IREB2: variants seen among roughly 807,000 people sequenced by gnomAD.
IREB2 encodes the protein iron-responsive element-binding protein 2.
In IREB2, 39 loss-of-function variants were observed where a neutral mutation model predicts 118.8. The observed-to-expected ratio is 0.33, with a 90% CI of 0.25 to 0.43. The LOEUF is 0.43. Among genes scored for constraint, IREB2 ranks in the 20% least tolerant of loss-of-function variants. IREB2 has a pLI of 1.00. For missense variants in IREB2, 900 were observed against 1,147.3 expected, an observed-to-expected ratio of 0.78 and a Z score of 3.11; for synonymous variants, 372 against 392.2, an observed-to-expected ratio of 0.95 and a Z score of 0.61.
At position 78,490,629 on chromosome 15, in the gene IREB2, C is replaced by A; in HGVS notation, c.2192C>A (p.Pro731Gln). ...ACTTTTACCTTCTAGACCAAAGAGCCAATTGCACTCCAGGCTATTGAAAAT... is the reference window on the plus strand; with the variant it reads ...ACTTTTACCTTCTAGACCAAAGAGCAAATTGCACTCCAGGCTATTGAAAAT... ...PSFFDKLTKE[P>Q]IALQAIENAH... Residue 731 changes from proline (P) to glutamine (Q), a missense_variant, in exon 18 of 22, where the codon CCA (proline) becomes CAA (glutamine). Physicochemically the swap from Pro to Gln is moderately conservative, Grantham distance 76 (BLOSUM62 -1). Transcript: ENST00000258886. 6.2e-7 allele frequency: 1 copy of A among 1,613,930 alleles called. No individual in the cohort carries two copies. The highest frequency in any genetic ancestry group is 8.5e-7 in the Non-Finnish European group (1 of 1,179,954).
intron 11 of IREB2, 128 bp downstream of exon 11, chr15:78,483,562 C>G: frequency 3.4e-6 from 2 of 579,892 alleles, no homozygotes; most frequent in Non-Finnish European, 6.2e-6. Context: ...CCAGCAGCCC[C>G]CTTATTTTCC....
intron 16 of IREB2, among the ~76,000 whole-genome samples, chr15:78,489,072 A>G (rs981926712): frequency 1.1e-4 from 16 of 152,094 alleles, no homozygotes; most frequent in Non-Finnish European, 2.2e-4. Flanking sequence ...ATACAAAACA[A>G]TTAGCCAGGC....
chr15:78,490,884 A>G, intron 18 of IREB2, 123 bp downstream of exon 18: 3 of 706,566 alleles, frequency 4.2e-6, no homozygotes, highest in Non-Finnish European at 6.6e-6. Flanking sequence ...CTGACTGCCA[A>G]TGTGTTTGTC....
At chr15:78,439,496 T>A (rs889461055) in intron 1 of IREB2, among the ~76,000 whole-genome samples, 1 of 152,174 alleles carries the variant, frequency 6.6e-6, no homozygotes, top group African/African-American at 2.4e-5. Flanking sequence ...ATCTTACTAG[T>A]TTTTACTTGA....
At chr15:78,478,449 T>A in intron 10 of IREB2, 52 bp downstream of exon 10, 1 of 1,133,814 alleles carries the variant, frequency 8.8e-7, no homozygotes, top group Non-Finnish European at 1.3e-6. Flanking sequence ...TGTGGTGTAA[T>A]CCCAGCGCTT....
chr15:78,456,015 G>T (rs2051099360), intron 2 of IREB2, among the ~76,000 whole-genome samples: 1 of 152,120 alleles, frequency 6.6e-6, no homozygotes, highest in South Asian at 2.1e-4. Flanking sequence ...TAGGCTGCTG[G>T]CTTTTCACCG....
At chr15:78,438,059 C>G (rs948035734), upstream of IREB2, 57 of 491,132 alleles carry the variant, frequency 1.2e-4, no homozygotes, top group East Asian at 1.8e-3. Context: ...CGCCCCCGCT[C>G]GCGAGAACAG....
intron 2 of IREB2, among the ~76,000 whole-genome samples, chr15:78,456,642 G>A (rs2051110391): frequency 6.6e-6 from 1 of 151,486 alleles, no homozygotes; most frequent in African/African-American, 2.4e-5. Flanking sequence ...CTCTAGCTTG[G>A]GTGACAGAGC....
chr15:78,485,005 A>C, intron 12 of IREB2, 85 bp downstream of exon 12: 1 of 1,226,146 alleles, frequency 8.2e-7, no homozygotes, highest in Non-Finnish European at 1.2e-6. Context: ...TTCTTAGATG[A>C]TGCATGAGTG....
Position 78,488,231 on chromosome 15 carries a change from C to T in IREB2, c.1846C>T (p.Arg616Cys). 3 of 1,611,670 alleles carry T rather than the reference C, an allele frequency of 1.9e-6. No individual in the cohort carries two copies. Among genetic ancestry groups the T allele is most frequent in the South Asian group, 1.1e-5 (1 of 90,618 alleles). ...ILSGNKNFEG[R>C]LCDCVRANYL... ...ATCTGGAAACAAAAATTTTGAAGGT[C>T]GTCTTTGTGATTGTGTTCGTGCCAA... The change falls in exon 15 of 22, where the codon CGT becomes TGT. Residue 616 changes from arginine to cysteine, a missense_variant. Coordinates refer to ENST00000258886, the MANE Select transcript of IREB2 (RefSeq NM_004136.4).
At chr15:78,459,846 C>G (rs72738732) in intron 2 of IREB2, among the ~76,000 whole-genome samples, 35,507 of 151,962 alleles carry the variant, frequency 0.23, 5,418 homozygotes, top group Middle Eastern at 0.36. Flanking sequence ...GTTGAAAAAC[C>G]TAGGTTCTTT....
chr15:78,438,381 G>C, intron 1 of IREB2, 25 bp downstream of exon 1: 2 of 1,593,776 alleles, frequency 1.3e-6, no homozygotes, highest in Non-Finnish European at 8.5e-7. Flanking sequence ...TCCGAGCTGG[G>C]TCTGGCAGTT....
At chr15:78,456,584 C>T (rs941218899) in intron 2 of IREB2, among the ~76,000 whole-genome samples, 1 of 151,172 alleles carries the variant, frequency 6.6e-6, no homozygotes, top group African/African-American at 2.4e-5. Flanking sequence ...GAGGATTGCC[C>T]GAGCCCAGGA....
At chr15:78,493,547 A>G (rs1414747346) in intron 18 of IREB2, among the ~76,000 whole-genome samples, 2 of 152,146 alleles carry the variant, frequency 1.3e-5, no homozygotes, top group Non-Finnish European at 2.9e-5. Flanking sequence ...AAACCAACTT[A>G]GTTTGGAAAT....
chr15:78,480,156 C>T lies in IREB2; in HGVS notation c.1296+1759C>T, dbSNP rs1004068024. 3.9e-5 allele frequency: 6 copies of T among 152,026 alleles called. No individual in the cohort carries two copies. The South Asian group carries it at 6.2e-4, about 16-fold the overall frequency. The allele number at this position is 152,026 out of a possible 1,614,324, so 9.4% of individuals were successfully genotyped here. A position where few individuals can be genotyped will look rare whatever the true frequency, so the allele number is the denominator to read the frequency against. ...TGGCACATAGTAGATATTCAGTAAA[C>T]GTGTTAGGTGAATAAATGAATCCAT... On this transcript the variant is annotated intron_variant, in intron 10 of 21. Coordinates refer to ENST00000258886, the MANE Select transcript of IREB2 (RefSeq NM_004136.4).
intron 2 of IREB2, among the ~76,000 whole-genome samples, chr15:78,456,943 A>G (rs762750354): frequency 6.6e-6 from 1 of 152,150 alleles, no homozygotes; most frequent in Non-Finnish European, 1.5e-5. Flanking sequence ...GTAGTTTTAT[A>G]CTGTGAAAAT....
At chr15:78,489,056 C>T (rs2051707044) in intron 16 of IREB2, among the ~76,000 whole-genome samples, 1 of 152,078 alleles carries the variant, frequency 6.6e-6, no homozygotes, top group South Asian at 2.1e-4. Context: ...CGCATCTCTA[C>T]TAAAAATACA....
At chr15:78,474,284 TTCC>T (rs1277906591) in intron 8 of IREB2, 1 of 152,236 alleles carries the variant, frequency 6.6e-6, no homozygotes, top group African/African-American at 2.4e-5. Context: ...TACGAAGGCT[TTCC>T]GGATACTCCA....
chr15:78,495,956 C>A (rs567292573), intron 20 of IREB2, among the ~76,000 whole-genome samples: 2 of 152,128 alleles, frequency 1.3e-5, no homozygotes, highest in South Asian at 4.1e-4. Flanking sequence ...CTCATTTTTT[C>A]CAGAGAATAA....
Sources: gnomAD v4.1 joint callset for allele counts (sites outside exome capture counted in the v4.1 genomes callset) on GRCh38, gnomAD v4.1.1 for gene constraint, MANE v1.5 for transcripts, NCBI Gene and HGNC (gene_info 2026-07-23, HGNC 2026-07-21) for gene names.